The following UGT1A4 variants were observed in gnomAD, a reference collection of about 807,000 sequenced individuals.
The protein encoded by UGT1A4 is UDP-glucuronosyltransferase 1A4.
UGT1A4 carries 32 observed loss-of-function variants against 41.1 expected under a neutral mutation model. That is an observed-to-expected ratio of 0.78 (90% CI 0.59 to 1.05). The LOEUF (loss-of-function observed/expected upper bound fraction) is 1.05. UGT1A4 is among the 50% of genes least tolerant of loss of function. The pLI, the probability that UGT1A4 is intolerant of heterozygous loss-of-function variation, is 0.00. For synonymous variants in UGT1A4, 283 were observed against 265.1 expected, an observed-to-expected ratio of 1.07 and a Z score of -0.66; for missense variants, 748 against 677.4, an observed-to-expected ratio of 1.10 and a Z score of -1.16.
intron 1 of UGT1A4, chr2:233,750,567 C>G (rs1230562765): frequency 2.0e-5 from 3 of 151,970 alleles, no homozygotes; most frequent in Admixed American, 6.5e-5. Context: ...GCAGCAGACC[C>G]TCCCATCACA....
At chr2:233,753,846 T>C (rs540552189) in intron 1 of UGT1A4, among the ~76,000 whole-genome samples, 6 of 152,330 alleles carry the variant, frequency 3.9e-5, no homozygotes, top group Non-Finnish European at 5.9e-5. Context: ...TAGTATATCA[T>C]TGACCAACCA....
chr2:233,747,052 G>A (rs1432721744), intron 1 of UGT1A4, among the ~76,000 whole-genome samples: 1 of 151,950 alleles, frequency 6.6e-6, no homozygotes, highest in African/African-American at 2.4e-5. Flanking sequence ...GAAAGACAAT[G>A]ATTGGTTAAT....
In UGT1A4 at chr2:233,729,555, T is replaced by C. The variant is rs549256144; in HGVS notation, c.867+9868T>C. 30 of 1,614,208 alleles carry C rather than the reference T, an allele frequency of 1.9e-5. No homozygotes were observed. In the South Asian group the frequency reaches 3.0e-4, roughly 16 times the overall value. On this transcript the variant is annotated intron_variant, in intron 1 of 4. Coordinates refer to ENST00000373409, the MANE Select transcript of UGT1A4 (RefSeq NM_007120.3). The stretch of plus-strand genomic sequence containing the variant: ...AGGCCCTGATCAGGCACCTGAATGC[T>C]ACTTCCTTTGATGTGGTTTTAACAG...
intron 1 of UGT1A4, chr2:233,755,034 C>T (rs1309322723): frequency 1.5e-6 from 2 of 1,316,576 alleles, no homozygotes; most frequent in Admixed American, 3.8e-5. Context: ...GGGCCTGCCG[C>T]CTGCGCAGCC....
intron 1 of UGT1A4, among the ~76,000 whole-genome samples, chr2:233,748,430 T>A (rs1693942914): frequency 6.6e-6 from 1 of 151,778 alleles, no homozygotes; most frequent in Non-Finnish European, 1.5e-5. Flanking sequence ...CCATCTGGAT[T>A]TTTTGTTTGC....
intron 1 of UGT1A4, chr2:233,760,991 C>T (rs1247729976): frequency 1.2e-6 from 2 of 1,614,072 alleles, no homozygotes; most frequent in Non-Finnish European, 1.7e-6. Flanking sequence ...ACCCTTGCCT[C>T]AGAATTCCTT....
intron 1 of UGT1A4, among the ~76,000 whole-genome samples, chr2:233,757,752 A>G (rs979747575): frequency 2.0e-5 from 3 of 151,642 alleles, no homozygotes; most frequent in African/African-American, 7.3e-5. Flanking sequence ...GGACATGTTT[A>G]TGTTGCTCCT....
At chr2:233,736,409 A>C (rs752558952) in intron 1 of UGT1A4, among the ~76,000 whole-genome samples, 1 of 152,180 alleles carries the variant, frequency 6.6e-6, no homozygotes, top group Non-Finnish European at 1.5e-5. Context: ...TTAGGCATTC[A>C]TCTAACCTTT....
chr2:233,743,747 G>C (rs370175895), intron 1 of UGT1A4: 65 of 1,367,344 alleles, frequency 4.8e-5, no homozygotes, highest in Non-Finnish European at 6.4e-5. Flanking sequence ...CTTGGCGTCC[G>C]ACAACACCTC....
chr2:233,749,875 A>C (rs747231604), intron 1 of UGT1A4, among the ~76,000 whole-genome samples: 2 of 151,930 alleles, frequency 1.3e-5, no homozygotes, highest in Non-Finnish European at 2.9e-5. Context: ...CAGGATTATA[A>C]GTTTCCTGAG....
At chr2:233,742,102 G>T (rs1682785139) in intron 1 of UGT1A4, 1 of 151,856 alleles carries the variant, frequency 6.6e-6, no homozygotes, top group South Asian at 2.1e-4. Context: ...AGGACCCACT[G>T]CCAAGACCAG....
At chr2:233,757,125 G>A (rs1455211055) in intron 1 of UGT1A4, among the ~76,000 whole-genome samples, 1 of 151,320 alleles carries the variant, frequency 6.6e-6, no homozygotes, top group Non-Finnish European at 1.5e-5. Context: ...CTAGAGAGGA[G>A]GAATGAGCTT....
intron 1 of UGT1A4, among the ~76,000 whole-genome samples, chr2:233,757,766 G>A (rs1169168407): frequency 6.6e-6 from 1 of 151,746 alleles, no homozygotes; most frequent in Admixed American, 6.6e-5. Context: ...TGCTCCTTTA[G>A]TAATAAGCCT....
intron 1 of UGT1A4, among the ~76,000 whole-genome samples, chr2:233,766,590 C>T (rs1008625240): frequency 6.6e-6 from 1 of 152,194 alleles, no homozygotes; most frequent in Admixed American, 6.5e-5. Context: ...GTGGAGCCCT[C>T]GCCAGGGACC....
intron 1 of UGT1A4, chr2:233,747,116 T>G: frequency 6.9e-7 from 1 of 1,446,720 alleles, no homozygotes; most frequent in South Asian, 1.3e-5. Context: ...CATGATGATT[T>G]GCTAAGTGGC....
intron 1 of UGT1A4, chr2:233,730,029 G>A: frequency 6.2e-7 from 1 of 1,613,388 alleles, no homozygotes. Context: ...CAATGTTCCA[G>A]GCAAAACACT....
intron 1 of UGT1A4, among the ~76,000 whole-genome samples, chr2:233,736,157 T>C (rs1193555745): frequency 6.6e-6 from 1 of 152,262 alleles, no homozygotes; most frequent in African/African-American, 2.4e-5. Flanking sequence ...CAGTCAAACG[T>C]AGATTTGGTC....
rs1321809873 is a variant in UGT1A4 at position 233,772,307 on chromosome 2, C to T, written c.1353C>T (p.Arg451=). The change falls in exon 5 of 5, where the codon CGC becomes CGT. Residue 451 remains arginine (R), a synonymous_variant. Coordinates refer to ENST00000373409, the MANE Select transcript of UGT1A4 (RefSeq NM_007120.3). The stretch of plus-strand genomic sequence containing the variant: ...GCCTCTCCAGCCTTCACAAGGACCG[C>T]CCGGTGGAGCCGCTGGACCTGGCCG... ...IMRLSSLHKD[R]PVEPLDLAVF... 1 of 1,614,232 alleles carries T rather than the reference C, an allele frequency of 6.2e-7. No individual in the cohort carries two copies. The highest frequency in any genetic ancestry group is 8.5e-7 in the Non-Finnish European group (1 of 1,180,050).
At chr2:233,762,731 G>A (rs574048851) in intron 1 of UGT1A4, among the ~76,000 whole-genome samples, 140 of 149,512 alleles carry the variant, frequency 9.4e-4, no homozygotes, top group African/African-American at 3.3e-3. Context: ...TTTTTTTTTG[G>A]TCACTACTGT....
Sources: allele counts gnomAD v4.1 joint callset (sites outside exome capture counted in the v4.1 genomes callset), GRCh38; gene constraint gnomAD v4.1.1; transcripts MANE v1.5; gene names NCBI Gene and HGNC (gene_info 2026-07-23, HGNC 2026-07-21).